The following RBM47 variants were observed in gnomAD, a reference collection of about 807,000 sequenced individuals.
The protein encoded by RBM47 is RNA binding motif protein 47.
In RBM47, 21 loss-of-function variants were observed where a neutral mutation model predicts 47.1. The ratio of observed to expected loss-of-function variants is 0.45; its 90% CI spans 0.32 to 0.64. The LOEUF (loss-of-function observed/expected upper bound fraction) is 0.64. Among genes scored for constraint, RBM47 ranks in the 30% least tolerant of loss-of-function variants. RBM47 has a pLI of 0.05. For missense variants in RBM47, 708 were observed against 870.9 expected (o/e 0.81, Z 2.35); for synonymous variants, 375 against 361.7 (o/e 1.04, Z -0.42).
intron 2 of RBM47, among the ~76,000 whole-genome samples, chr4:40,509,272 T>C (rs919586203): frequency 1.3e-5 from 2 of 152,184 alleles, no homozygotes; most frequent in Non-Finnish European, 2.9e-5. Context: ...GCTTCATAAT[T>C]GTAGACATCA....
intron 3 of RBM47, among the ~76,000 whole-genome samples, chr4:40,450,302 A>T (rs1187135251): frequency 6.6e-6 from 1 of 152,132 alleles, no homozygotes; most frequent in East Asian, 1.9e-4. Flanking sequence ...CAATTTATAA[A>T]ATTCTTTCAG....
chr4:40,431,225 T>C (rs960634210), intron 6 of RBM47, among the ~76,000 whole-genome samples: 1 of 152,148 alleles, frequency 6.6e-6, no homozygotes, highest in Admixed American at 6.5e-5. Context: ...TAAATGGATG[T>C]CCTCCCTATG....
At chr4:40,545,589 G>A (rs1728954039) in intron 1 of RBM47, among the ~76,000 whole-genome samples, 1 of 148,104 alleles carries the variant, frequency 6.8e-6, no homozygotes, top group African/African-American at 2.4e-5. Context: ...GCTTGAACTC[G>A]GGAGGCGGAG....
intron 1 of RBM47, among the ~76,000 whole-genome samples, chr4:40,547,976 G>A (rs533396306): frequency 6.6e-6 from 1 of 152,252 alleles, no homozygotes; most frequent in Non-Finnish European, 1.5e-5. Flanking sequence ...AGTGTGGATA[G>A]TGAGTCCAGG....
intron 2 of RBM47, among the ~76,000 whole-genome samples, chr4:40,541,121 T>C (rs954374892): frequency 2.0e-5 from 3 of 150,356 alleles, no homozygotes; most frequent in African/African-American, 7.4e-5. Context: ...AGACCTCATC[T>C]CTATAAAAAA....
At chr4:40,602,874 T>C (rs571087259) in intron 1 of RBM47, among the ~76,000 whole-genome samples, 1 of 152,032 alleles carries the variant, frequency 6.6e-6, no homozygotes, top group South Asian at 2.1e-4. Context: ...CATATATAAA[T>C]AGAAAATTCA....
intron 1 of RBM47, among the ~76,000 whole-genome samples, chr4:40,569,353 G>A (rs1304598547): frequency 6.6e-6 from 1 of 151,770 alleles, no homozygotes; most frequent in Non-Finnish European, 1.5e-5. Flanking sequence ...AGCCAAAAGA[G>A]TAGAACGAGA....
chr4:40,433,151 G>C (rs376328199), intron 5 of RBM47, among the ~76,000 whole-genome samples: 2 of 152,054 alleles, frequency 1.3e-5, no homozygotes, highest in East Asian at 3.9e-4. Context: ...TGTAGAGACA[G>C]GGTTTCGCCA....
intron 1 of RBM47, among the ~76,000 whole-genome samples, chr4:40,562,971 G>A (rs568012750): frequency 4.1e-4 from 62 of 152,174 alleles, no homozygotes; most frequent in Non-Finnish European, 7.2e-4. Context: ...ACAAAGCAGG[G>A]TAAACAGGCT....
chr4:40,550,219 T>C (rs937978222), intron 1 of RBM47, among the ~76,000 whole-genome samples: 1 of 152,138 alleles, frequency 6.6e-6, no homozygotes, highest in Non-Finnish European at 1.5e-5. Flanking sequence ...TACTTTAAAG[T>C]TATAAAATGC....
At chr4:40,483,582 G>A (rs1337495980) in intron 2 of RBM47, among the ~76,000 whole-genome samples, 2 of 152,172 alleles carry the variant, frequency 1.3e-5, no homozygotes, top group African/African-American at 4.8e-5. Flanking sequence ...GGTAATCCCA[G>A]CTACTCGGGA....
chr4:40,563,135 G>A (rs1283731862), intron 1 of RBM47, among the ~76,000 whole-genome samples: 3 of 152,214 alleles, frequency 2.0e-5, no homozygotes, highest in Non-Finnish European at 2.9e-5. Flanking sequence ...AGGTTGCAGT[G>A]AGCCGAGATG....
At chr4:40,537,067 G>C (rs1728060620) in intron 2 of RBM47, among the ~76,000 whole-genome samples, 1 of 152,088 alleles carries the variant, frequency 6.6e-6, no homozygotes, top group Admixed American at 6.6e-5. Flanking sequence ...CTAACCACTA[G>C]ATCTATGAAA....
At chr4:40,625,675 C>T (rs1178186085) in intron 1 of RBM47, among the ~76,000 whole-genome samples, 1 of 152,130 alleles carries the variant, frequency 6.6e-6, no homozygotes, top group African/African-American at 2.4e-5. Context: ...TCAGCGTACA[C>T]CCACCAGGAA....
At chr4:40,460,714 C>T (rs1165016344) in intron 3 of RBM47, among the ~76,000 whole-genome samples, 3 of 151,594 alleles carry the variant, frequency 2.0e-5, no homozygotes, top group African/African-American at 7.3e-5. Context: ...ATAGCAAAAC[C>T]CCATCTCTAC....
chr4:40,486,043 T>C (rs1265522026), intron 2 of RBM47, among the ~76,000 whole-genome samples: 1 of 132,256 alleles, frequency 7.6e-6, no homozygotes, highest in African/African-American at 3.0e-5. Flanking sequence ...GCATTCTAGC[T>C]TGGACAACAG....
At chr4:40,434,966 C>T (rs949458634) in intron 5 of RBM47, among the ~76,000 whole-genome samples, 1 of 152,120 alleles carries the variant, frequency 6.6e-6, no homozygotes, top group Non-Finnish European at 1.5e-5. Context: ...TACCCACGGA[C>T]TGAGCTTTCC....
At chr4:40,561,555 C>T (rs6447198) in intron 1 of RBM47, among the ~76,000 whole-genome samples, 65,509 of 134,296 alleles carry the variant, frequency 0.49, 18,475 homozygotes, top group African/African-American at 0.82. Flanking sequence ...TTTTTTTTTT[C>T]TTTTTTTTTT....
At chr4:40,458,930 A>T (rs1050949019) in intron 3 of RBM47, among the ~76,000 whole-genome samples, 1 of 152,166 alleles carries the variant, frequency 6.6e-6, no homozygotes, top group Non-Finnish European at 1.5e-5. Context: ...CATTGATATG[A>T]GTAGGAACCT....
Sources: allele counts gnomAD v4.1 joint callset (sites outside exome capture counted in the v4.1 genomes callset), GRCh38; gene constraint gnomAD v4.1.1; transcripts MANE v1.5; gene names NCBI Gene and HGNC (gene_info 2026-07-23, HGNC 2026-07-21).